Variants in SLC25A6 observed in about 807,000 individuals in gnomAD.
SLC25A6 encodes the protein ADP/ATP translocase 3.
A neutral mutation model predicts 25.7 loss-of-function variants in SLC25A6; 9 were observed. The observed-to-expected ratio is 0.35, with a 90% CI of 0.21 to 0.61. The LOEUF (loss-of-function observed/expected upper bound fraction) is 0.61. Among genes scored for constraint, SLC25A6 ranks in the 20% least tolerant of loss-of-function variants. SLC25A6 has a pLI of 0.76. For synonymous variants in SLC25A6, 223 were observed against 197.0 expected (o/e 1.13, Z -1.11); for missense variants, 404 against 440.5 (o/e 0.92, Z 0.74).
intron 3 of SLC25A6, 84 bp downstream of exon 3, chrX:1,387,195 G>T: frequency 6.5e-7 from 1 of 1,535,970 alleles, no homozygotes. Context: ...TGCCTCCTTT[G>T]ATGGTTCCTG....
rs373630562 is a variant in SLC25A6, at chrX:1,389,325, C to T, written c.514G>A (p.Gly172Ser). The change falls in exon 2 of 4, where the codon GGC becomes AGC. Residue 172 changes from glycine (G) to serine (S), a missense_variant. By Grantham distance (56) the Gly-to-Ser change is moderately conservative. Coordinates refer to ENST00000381401, the MANE Select transcript of SLC25A6 (RefSeq NM_001636.4). ...GAGACACTGAAGCCCTGGTACAGGC[C>T]CCGGATGCCGTCGGACTTGGTGATC... ...VKITKSDGIR[G>S]LYQGFSVSVQ... 1.3e-5 allele frequency: 21 copies of T among 1,613,734 alleles called. No homozygotes were observed. Among genetic ancestry groups the T allele is most frequent in the Non-Finnish European group, 1.8e-5 (21 of 1,179,878 alleles).
At position 1,386,430 on chromosome X, in the gene SLC25A6, G is replaced by T; in HGVS notation, c.*172C>A. On this transcript the variant is annotated 3_prime_UTR_variant, in exon 4 of 4. Transcript: ENST00000381401. ...ACACGGAATCGGCTGCCGATGGTTGGATCGCAATGCGCCCCTTTTCTAGAG... is the reference window on the plus strand; with the variant it reads ...ACACGGAATCGGCTGCCGATGGTTGTATCGCAATGCGCCCCTTTTCTAGAG... The T allele has an allele frequency of 2.4e-6, 2 of 846,764 alleles. No individual in the cohort carries two copies. Among genetic ancestry groups the T allele is most frequent in the South Asian group, 2.6e-5 (1 of 37,794 alleles). The allele number at this position is 846,764 out of a possible 1,614,324, so 52.5% of individuals were successfully genotyped here.
intron 1 of SLC25A6, among the ~76,000 whole-genome samples, chrX:1,391,692 G>A (rs1219943150): frequency 2.0e-5 from 3 of 152,358 alleles, no homozygotes; most frequent in Admixed American, 6.5e-5. Flanking sequence ...CGCCCGCCGG[G>A]CCCAGTGCGC....
At chrX:1,387,516 G>C in intron 2 of SLC25A6, 97 bp from the exon 3 acceptor site, 1 of 1,532,096 alleles carries the variant, frequency 6.5e-7, no homozygotes, top group South Asian at 1.2e-5. Context: ...CTGAGGTGGT[G>C]CCGAGCTCTT....
chrX:1,387,980 C>T (rs752811866), intron 2 of SLC25A6, among the ~76,000 whole-genome samples: 51 of 151,678 alleles, frequency 3.4e-4, no homozygotes, highest in African/African-American at 1.1e-3. Context: ...TCAGAAGGAA[C>T]CAGCCCTGCC....
At position 1,387,241 on chromosome X, in the gene SLC25A6, C is replaced by T. The variant is rs375888345; in HGVS notation, c.739+38G>A. 11 of 1,605,498 alleles carry T rather than the reference C, an allele frequency of 6.9e-6. No homozygotes were observed. In the African/African-American group the frequency reaches 1.2e-4, roughly 18 times the overall value. ...GGCCTAGGGCAAGGAGCTTGGTTCC[C>T]CTTCCCGGCAGCAAGGGTCCCCCGC... On this transcript the variant is annotated intron_variant, in intron 3 of 3. Transcript: ENST00000381401.
intron 2 of SLC25A6, 85 bp from the exon 3 acceptor site, chrX:1,387,504 CCCT>C: frequency 6.4e-7 from 1 of 1,564,870 alleles, no homozygotes; most frequent in South Asian, 1.2e-5. Context: ...GCTCACGGCC[CCCT>C]GAGGTGGTGC....
At position 1,387,403 on chromosome X, in the gene SLC25A6, G is replaced by A; in HGVS notation, c.615C>T (p.Pro205=). Residue 205 remains proline (P), a synonymous_variant, in exon 3 of 4, where the codon CCC becomes CCT. Transcript: ENST00000381401. ...AGCTCACCACGATGTGCGTGTTCTT[G>A]GGGTCGGGGAGCATGCCTGCGCGGG... ...YDTAKGMLPD[P]KNTHIVVSWM... 6.2e-7 allele frequency: 1 copy of A among 1,612,948 alleles called. No homozygotes were observed. The highest frequency in any genetic ancestry group is 8.5e-7 in the Non-Finnish European group (1 of 1,179,684).
chrX:1,391,883 G>A lies in SLC25A6; in HGVS notation c.111+16C>T. The stretch of plus-strand genomic sequence containing the variant: ...CCGTCCCCTAGTCCCCGGAGCGGCC[G>A]CGCCCGCGTCCCCACCTGCAGCAGC... On this transcript the variant is annotated intron_variant, in intron 1 of 3. Coordinates refer to ENST00000381401, the MANE Select transcript of SLC25A6 (RefSeq NM_001636.4). 1 of 1,573,604 alleles carries A rather than the reference G, an allele frequency of 6.4e-7. No individual in the cohort carries two copies. Among genetic ancestry groups the A allele is most frequent in the South Asian group, 1.2e-5 (1 of 86,082 alleles).
In SLC25A6 at chrX:1,386,179, T is replaced by C. The variant is rs1489317037; in HGVS notation, c.*423A>G. The C allele has an allele frequency of 6.1e-6, 1 of 162,908 alleles. No homozygotes were observed. The highest frequency in any genetic ancestry group is 6.4e-5 in the Admixed American group (1 of 15,528). 10.1% of individuals were successfully genotyped at this position (162,908 alleles called of 1,614,324 possible). On this transcript the variant is annotated 3_prime_UTR_variant, in exon 4 of 4. Transcript: ENST00000381401. ...CCTCTGCGTCCTCTGTTTATTGTTT[T>C]GCAGCAGGAGGCCCAACATAGAACA...
Position 1,392,068 on chromosome X carries a change from T to C in SLC25A6, c.-59A>G, listed in dbSNP as rs2089422386. ...CCGGAGAACGGGCGCGGAGAGTGAA[T>C]GGAGGGCGTCGCTGGCTCAGCCCTG... On this transcript the variant is annotated 5_prime_UTR_variant, in exon 1 of 4. Coordinates refer to ENST00000381401, the MANE Select transcript of SLC25A6 (RefSeq NM_001636.4). 3.8e-6 allele frequency: 5 copies of C among 1,311,566 alleles called. No individual in the cohort carries two copies. Among genetic ancestry groups the C allele is most frequent in the Non-Finnish European group, 5.4e-6 (5 of 930,738 alleles). 81.2% of individuals were successfully genotyped at this position (1,311,566 alleles called of 1,614,324 possible). A position where few individuals can be genotyped will look rare whatever the true frequency, so the allele number is the denominator to read the frequency against.
At chrX:1,390,881 C>T (rs1209798056) in intron 1 of SLC25A6, among the ~76,000 whole-genome samples, 2 of 152,060 alleles carry the variant, frequency 1.3e-5, no homozygotes, top group Middle Eastern at 3.4e-3. Context: ...TGAGCTCAGG[C>T]GATCCTCCCT....
rs750487607 is a variant in SLC25A6 at position 1,389,249 on chromosome X, G to A, written c.590C>T (p.Thr197Met). The A allele has an allele frequency of 1.2e-5, 19 of 1,612,052 alleles. No individual in the cohort carries two copies. The highest frequency in any genetic ancestry group is 4.5e-5 in the East Asian group (2 of 44,824). The part of the protein sequence containing the change: ...YRAAYFGVYD[T>M]AKGMLPDPKN... ...ATGGCAGCCACACGTACCCTTGGCC[G>A]TATCGTACACGCCGAAGTAGGCCGC... The change falls in exon 2 of 4, where the codon ACG becomes ATG. Residue 197 changes from threonine to methionine, a missense_variant. Physicochemically the swap from Thr to Met is moderately conservative, Grantham distance 81. Transcript: ENST00000381401.
chrX:1,391,767 G>A (rs1399561396), intron 1 of SLC25A6, 132 bp downstream of exon 1: 5 of 651,200 alleles, frequency 7.7e-6, no homozygotes, highest in East Asian at 3.1e-5. Flanking sequence ...AGCCGGCGGC[G>A]CGTGGACAAA....
At chrX:1,390,916 C>T (rs1377727335) in intron 1 of SLC25A6, among the ~76,000 whole-genome samples, 1 of 151,926 alleles carries the variant, frequency 6.6e-6, no homozygotes, top group Admixed American at 6.6e-5. Context: ...GCGGGGACAC[C>T]CCGCCTGCTA....
At position 1,386,751 on chromosome X, in the gene SLC25A6, T is replaced by C. The variant is rs1299209049; in HGVS notation, c.748A>G (p.Met250Val). 6.2e-7 allele frequency: 1 copy of C among 1,603,822 alleles called. No individual in the cohort carries two copies. The highest frequency in any genetic ancestry group is 8.5e-7 in the Non-Finnish European group (1 of 1,175,888). Residue 250 changes from methionine (M) to valine (V), a missense_variant, in exon 4 of 4, where the codon ATG (methionine) becomes GTG (valine). By Grantham distance (21) the Met-to-Val change is conservative. Transcript: ENST00000381401. Reference sequence around the variant, plus strand: ...CAACAGTCGACGGTGCCCGTGTACATGATGTCAGCTGCAACGACAGGGAGA... The same window carrying C: ...CAACAGTCGACGGTGCCCGTGTACACGATGTCAGCTGCAACGACAGGGAGA... ...MQSGRKGADI[M>V]YTGTVDCWRK...
intron 2 of SLC25A6, among the ~76,000 whole-genome samples, chrX:1,387,742 C>T (rs746328733): frequency 1.3e-5 from 2 of 152,278 alleles, no homozygotes; most frequent in African/African-American, 4.8e-5. Context: ...ACACTCTGTC[C>T]TCAAAATCCA....
rs751594031 is a variant in SLC25A6 at position 1,391,888 on chromosome X, C to G, written c.111+11G>C. 5 of 1,583,402 alleles carry G rather than the reference C, an allele frequency of 3.2e-6. No individual in the cohort carries two copies. Among genetic ancestry groups the G allele is most frequent in the Non-Finnish European group, 2.6e-6 (3 of 1,166,632 alleles). On this transcript the variant is annotated intron_variant, in intron 1 of 3. Coordinates refer to ENST00000381401, the MANE Select transcript of SLC25A6 (RefSeq NM_001636.4). ...CCCTAGTCCCCGGAGCGGCCGCGCC[C>G]GCGTCCCCACCTGCAGCAGCAGCTT...
Position 1,386,449 on chromosome X carries a change from T to G in SLC25A6, c.*153A>C. ...TGGTTGGATCGCAATGCGCCCCTTT[T>G]CTAGAGCCTTCCCCGGCCATCTACA... is the stretch of plus-strand genomic sequence containing the variant. On this transcript the variant is annotated 3_prime_UTR_variant, in exon 4 of 4. Coordinates refer to ENST00000381401, the MANE Select transcript of SLC25A6 (RefSeq NM_001636.4). 1.0e-5 allele frequency: 11 copies of G among 1,067,456 alleles called. No homozygotes were observed. The South Asian group carries it at 2.0e-4, about 19-fold the overall frequency. The allele number at this position is 1,067,456 out of a possible 1,614,324, so 66.1% of individuals were successfully genotyped here. A position where few individuals can be genotyped will look rare whatever the true frequency, so the allele number is the denominator to read the frequency against.
Sources: gnomAD v4.1 joint callset for allele counts (sites outside exome capture counted in the v4.1 genomes callset) on GRCh38, gnomAD v4.1.1 for gene constraint, MANE v1.5 for transcripts, NCBI Gene and HGNC (gene_info 2026-07-23, HGNC 2026-07-21) for gene names.